LSM4: variants seen among roughly 807,000 people sequenced by gnomAD.
LSM4 encodes the protein LSM4 homolog, U6 small nuclear RNA and mRNA degradation associated, also known as U6 snRNA-associated Sm-like protein LSm4.
A neutral mutation model predicts 22.3 loss-of-function variants in LSM4; 15 were observed. The observed-to-expected ratio is 0.67, with a 90% CI of 0.45 to 1.03. The LOEUF (loss-of-function observed/expected upper bound fraction) is 1.03, where lower values mean the gene tolerates loss of function less well. Among genes scored for constraint, LSM4 ranks in the 50% least tolerant of loss-of-function variants. The pLI is 0.00. For synonymous variants in LSM4, 90 were observed against 79.8 expected, an observed-to-expected ratio of 1.13 and a Z score of -0.68; for missense variants, 127 against 198.0, an observed-to-expected ratio of 0.64 and a Z score of 2.15.
chr19:18,322,993 G>A (rs1970442430), intron 1 of LSM4, 25 bp downstream of exon 1: 9 of 1,592,324 alleles, frequency 5.7e-6, no homozygotes, highest in Non-Finnish European at 7.7e-6. Flanking sequence ...CTCCCGGTGA[G>A]ACCCCGCAGT....
intron 4 of LSM4, 54 bp from the exon 5 acceptor site, chr19:18,307,609 C>T: frequency 7.6e-7 from 1 of 1,310,132 alleles, no homozygotes; most frequent in South Asian, 1.5e-5. Flanking sequence ...GGACCTTCGA[C>T]AGGATCCCGG....
At position 18,312,607 on chromosome 19, in the gene LSM4, G is replaced by A; in HGVS notation, c.141C>T (p.Ser47=). ...CGTTGGTGGGTGCAGCACCCACCCT[G>A]GACGTGCAGATGACTTCTCGCAGGT... ...NINLREVICT[S]RDGDKFWRMP... Residue 47 remains serine, a synonymous_variant, in exon 3 of 5, where the codon TCC becomes TCT. Coordinates refer to ENST00000593829, the MANE Select transcript of LSM4 (RefSeq NM_012321.5). 1 of 1,613,492 alleles carries A rather than the reference G, an allele frequency of 6.2e-7. No homozygotes were observed. Among genetic ancestry groups the A allele is most frequent in the Non-Finnish European group, 8.5e-7 (1 of 1,179,506 alleles).
At chr19:18,309,325 C>T (rs556372087) in intron 4 of LSM4, 37 of 285,510 alleles carry the variant, frequency 1.3e-4, no homozygotes, top group African/African-American at 5.5e-4. Context: ...TCATCATCTC[C>T]GGTGGGGGCG....
chr19:18,322,308 T>G (rs2148149041), intron 1 of LSM4, among the ~76,000 whole-genome samples: 1 of 152,254 alleles, frequency 6.6e-6, no homozygotes, highest in Non-Finnish European at 1.5e-5. Flanking sequence ...CCTTTTCCGA[T>G]CTGCACAGTG....
rs749684329 is a variant in LSM4, at chr19:18,309,626, C to T, written c.328+52G>A. ...GCAACCCCAAGAAGGAGGGATGCCA[C>T]GTGTGGCTGTCTTCCCGCCCCAGGT... On this transcript the variant is annotated intron_variant, in intron 4 of 4. Coordinates refer to ENST00000593829, the MANE Select transcript of LSM4 (RefSeq NM_012321.5). 1.3e-5 allele frequency: 19 copies of T among 1,519,892 alleles called. No homozygotes were observed. The South Asian group carries it at 1.8e-4, about 14-fold the overall frequency. The allele number at this position is 1,519,892 out of a possible 1,614,324, so 94.2% of individuals were successfully genotyped here.
chr19:18,316,353 T>C (rs1174768159), intron 1 of LSM4: 3 of 263,708 alleles, frequency 1.1e-5, no homozygotes, highest in Non-Finnish European at 2.2e-5. Flanking sequence ...TTTTTTTTTT[T>C]TTTTTTGAGA....
chr19:18,309,441 G>C (rs1268700264), intron 4 of LSM4: 1 of 544,248 alleles, frequency 1.8e-6, no homozygotes, highest in Non-Finnish European at 3.2e-6. Flanking sequence ...ACTGAGGCTT[G>C]GGGAGGTGAC....
At chr19:18,312,943 G>A (rs1039071557) in intron 2 of LSM4, among the ~76,000 whole-genome samples, 6 of 152,310 alleles carry the variant, frequency 3.9e-5, no homozygotes, top group Admixed American at 6.5e-5. Flanking sequence ...ATACTGGGCC[G>A]GGCGCGGTGG....
At position 18,309,865 on chromosome 19, in the gene LSM4, C is replaced by A. The variant is rs780227379; in HGVS notation, c.145-4G>T. The A allele has an allele frequency of 2.5e-6, 4 of 1,612,580 alleles. No homozygotes were observed. The highest frequency in any genetic ancestry group is 3.4e-6 in the Non-Finnish European group (4 of 1,179,524). ...TCCGCCAGAACTTGTCCCCGTCCTG[C>A]GGAGAAGGGGAGCAGGTTATTAACT... On this transcript the variant is annotated splice_polypyrimidine_tract_variant and splice_region_variant and intron_variant, in intron 3 of 4. Transcript: ENST00000593829.
chr19:18,316,063 A>C lies in LSM4; in HGVS notation c.6T>G (p.Leu2=). The C allele has an allele frequency of 1.9e-6, 3 of 1,613,556 alleles. No homozygotes were observed. Among genetic ancestry groups the C allele is most frequent in the Non-Finnish European group, 2.5e-6 (3 of 1,179,686 alleles). The change falls in exon 2 of 5, where the codon CTT becomes CTG. Residue 2 remains leucine (L), a splice_region_variant and synonymous_variant. Coordinates refer to ENST00000593829, the MANE Select transcript of LSM4 (RefSeq NM_012321.5). M[L]PLSLLKTAQN... ...GAGCCGTCTTCAGCAGTGACAAGGG[A>C]AGCTGAAAGGCAAATAAAGCCACAT...
chr19:18,310,427 A>AG (rs1970286188), intron 3 of LSM4, among the ~76,000 whole-genome samples: 2 of 152,102 alleles, frequency 1.3e-5, no homozygotes. Flanking sequence ...GTGGGTGAAG[A>AG]GGGGCGGGAA....
intron 1 of LSM4, among the ~76,000 whole-genome samples, chr19:18,320,211 C>T (rs1970410947): frequency 6.6e-6 from 1 of 152,158 alleles, no homozygotes; most frequent in Non-Finnish European, 1.5e-5. Flanking sequence ...GAAGATACAT[C>T]AAAGTGCCAG....
chr19:18,309,875 G>A lies in LSM4; in HGVS notation c.145-14C>T, dbSNP rs777749840. 12 of 1,611,888 alleles carry A rather than the reference G, an allele frequency of 7.4e-6. No homozygotes were observed. In the Admixed American group the frequency reaches 1.5e-4, roughly 20 times the overall value. On this transcript the variant is annotated splice_polypyrimidine_tract_variant and intron_variant, in intron 3 of 4. Transcript: ENST00000593829. ...CTTGTCCCCGTCCTGCGGAGAAGGGGAGCAGGTTATTAACTTACCACCGGG... is the reference window on the plus strand; with the variant it reads ...CTTGTCCCCGTCCTGCGGAGAAGGGAAGCAGGTTATTAACTTACCACCGGG...
chr19:18,310,330 G>A (rs769710579), intron 3 of LSM4: 20 of 179,994 alleles, frequency 1.1e-4, no homozygotes, highest in Non-Finnish European at 1.5e-4. Flanking sequence ...CTCTCTACAT[G>A]CCCTGACTCA....
chr19:18,310,891 C>T (rs188127871), intron 3 of LSM4, among the ~76,000 whole-genome samples: 18 of 152,338 alleles, frequency 1.2e-4, no homozygotes, highest in African/African-American at 4.1e-4. Context: ...GAACACACGC[C>T]ATGGGCTTGC....
At chr19:18,309,911 C>T in intron 3 of LSM4, 50 bp from the exon 4 acceptor site, 1 of 1,585,126 alleles carries the variant, frequency 6.3e-7, no homozygotes, top group Admixed American at 1.8e-5. Flanking sequence ...CCGTCTGGCC[C>T]AGCCCTGGGA....
intron 4 of LSM4, chr19:18,309,460 C>G: frequency 3.5e-6 from 2 of 568,030 alleles, no homozygotes; most frequent in Non-Finnish European, 6.1e-6. Flanking sequence ...ACTTGATGTG[C>G]CCTGAGGACC....
chr19:18,317,557 C>T (rs1970370525), intron 1 of LSM4, among the ~76,000 whole-genome samples: 1 of 151,960 alleles, frequency 6.6e-6, no homozygotes, highest in Non-Finnish European at 1.5e-5. Context: ...CCGTGTTAGC[C>T]AGGATGGTCT....
chr19:18,308,137 G>T (rs1054793553), intron 4 of LSM4, among the ~76,000 whole-genome samples: 1 of 152,206 alleles, frequency 6.6e-6, no homozygotes, highest in African/African-American at 2.4e-5. Flanking sequence ...CCTGAGGTGG[G>T]AGCATGTGGC....
Sources: allele counts gnomAD v4.1 joint callset (sites outside exome capture counted in the v4.1 genomes callset), GRCh38; gene constraint gnomAD v4.1.1; transcripts MANE v1.5; gene names NCBI Gene and HGNC (gene_info 2026-07-23, HGNC 2026-07-21).